RSPH14: variants seen among roughly 807,000 people sequenced by gnomAD.
RSPH14 encodes rhabdoid tumor deletion region gene 1.
A neutral mutation model predicts 26.7 loss-of-function variants in RSPH14; 20 were observed. That is an observed-to-expected ratio of 0.75 (90% CI 0.53 to 1.09). RSPH14 has a LOEUF of 1.09. Ranked by LOEUF, RSPH14 falls within the 50% of genes least tolerant of loss-of-function variation. RSPH14 has a pLI of 0.00. For missense variants in RSPH14, 449 were observed against 457.2 expected (o/e 0.98, Z 0.16); for synonymous variants, 177 against 189.3 (o/e 0.93, Z 0.53).
chr22:23,167,654 G>C, the RSPH14 span, among the ~76,000 whole-genome samples: 1 of 152,196 alleles, frequency 6.6e-6, no homozygotes, highest in African/African-American at 2.4e-5. Context: ...GAAATGGACA[G>C]AGGATCGGTT....
At chr22:23,095,587 T>G (rs2146315065) in intron 4 of RSPH14, 2 of 1,250,862 alleles carry the variant, frequency 1.6e-6, no homozygotes, top group South Asian at 1.5e-5. Context: ...TGGCACTGAG[T>G]GCCTCCAGGG....
chr22:23,141,243 CG>C (rs2044832066), intron 1 of RSPH14, among the ~76,000 whole-genome samples: 1 of 149,732 alleles, frequency 6.7e-6, no homozygotes, highest in Non-Finnish European at 1.5e-5. Context: ...GCAGGAGAAT[CG>C]CTTGAATCAG....
intron 4 of RSPH14, among the ~76,000 whole-genome samples, chr22:23,100,877 C>T (rs1391346597): frequency 6.6e-6 from 1 of 152,190 alleles, no homozygotes; most frequent in Non-Finnish European, 1.5e-5. Flanking sequence ...GGAGGGGCTG[C>T]CCAAGGCCGT....
chr22:23,112,453 G>T (rs1484620833), intron 4 of RSPH14, among the ~76,000 whole-genome samples: 1 of 152,208 alleles, frequency 6.6e-6, no homozygotes, highest in African/African-American at 2.4e-5. Flanking sequence ...GAGCATGCCA[G>T]GGTGCAGCCA....
chr22:23,135,126 A>C lies in RSPH14; in HGVS notation c.303-982T>G, dbSNP rs2070442903. 2.6e-5 allele frequency among the ~76,000 whole-genome samples: 4 copies of C among 152,066 alleles called. No individual in the cohort carries two copies. In the South Asian group the frequency reaches 8.3e-4, roughly 32 times the overall value. On this transcript the variant is annotated intron_variant, in intron 3 of 6. Transcript: ENST00000216036. ...TTTAAGGCTACAGTGAGCTAGGATC[A>C]TGCCACTAAACTCCAGCATGGATGA... is the stretch of plus-strand genomic sequence containing the variant.
intron 4 of RSPH14, chr22:23,124,731 TGAGG>T: frequency 5.8e-6 from 1 of 172,876 alleles, no homozygotes; most frequent in East Asian, 1.7e-4. Context: ...CGTTGTGGCC[TGAGG>T]GAGGCCCTGC....
At chr22:23,063,410 C>A (rs919842208) in intron 5 of RSPH14, among the ~76,000 whole-genome samples, 1 of 152,244 alleles carries the variant, frequency 6.6e-6, no homozygotes, top group Non-Finnish European at 1.5e-5. Flanking sequence ...CTGCCCCCTG[C>A]AGCTTTGAGG....
At chr22:23,088,135 A>G (rs892776885) in intron 4 of RSPH14, among the ~76,000 whole-genome samples, 2 of 152,242 alleles carry the variant, frequency 1.3e-5, no homozygotes, top group African/African-American at 4.8e-5. Context: ...TCACTGTCTC[A>G]GTCATAATTT....
At chr22:23,079,211 A>C (rs2068601751) in intron 4 of RSPH14, among the ~76,000 whole-genome samples, 1 of 152,264 alleles carries the variant, frequency 6.6e-6, no homozygotes, top group African/African-American at 2.4e-5. Flanking sequence ...TGCTTGGGGC[A>C]AGGCAGCACA....
chr22:23,081,208 G>A (rs773005916), intron 4 of RSPH14, among the ~76,000 whole-genome samples: 5 of 152,172 alleles, frequency 3.3e-5, no homozygotes, highest in South Asian at 4.1e-4. Context: ...TTCAGATTCC[G>A]GGTCCTTTGC....
chr22:23,085,998 G>A (rs1041706366), intron 4 of RSPH14, among the ~76,000 whole-genome samples: 1 of 152,266 alleles, frequency 6.6e-6, no homozygotes, highest in Non-Finnish European at 1.5e-5. Context: ...GGCCTTGCCT[G>A]GCCCCTCGGC....
chr22:23,123,233 G>A (rs758126196), intron 4 of RSPH14: 39 of 1,614,024 alleles, frequency 2.4e-5, no homozygotes, highest in Non-Finnish European at 3.2e-5. Context: ...GCTTTCCCGA[G>A]TACAAGGGCC....
the RSPH14 span, among the ~76,000 whole-genome samples, chr22:23,178,062 A>G: frequency 5.9e-5 from 9 of 152,108 alleles, no homozygotes; most frequent in African/African-American, 2.2e-4. Flanking sequence ...CGGCCTCCCA[A>G]AACACCAGGA....
At chr22:23,116,886 C>G (rs1019896580) in intron 4 of RSPH14, among the ~76,000 whole-genome samples, 1 of 152,182 alleles carries the variant, frequency 6.6e-6, no homozygotes, top group African/African-American at 2.4e-5. Flanking sequence ...TATGCCGCAC[C>G]TGGGAGGGGG....
At chr22:23,113,338 C>T (rs901845485) in intron 4 of RSPH14, among the ~76,000 whole-genome samples, 1 of 152,236 alleles carries the variant, frequency 6.6e-6, no homozygotes, top group Non-Finnish European at 1.5e-5. Context: ...GCACCGCCTC[C>T]CTGTTTCATA....
At chr22:23,163,776 G>C in the RSPH14 span, 4 of 152,170 alleles carry the variant, frequency 2.6e-5, no homozygotes, top group Non-Finnish European at 5.9e-5. Flanking sequence ...AGTGTTGATG[G>C]CTTGTTTGTT....
In RSPH14 at chr22:23,129,953, AAAGAAAGAGAGAGG is replaced by A. The variant is rs2070271524; in HGVS notation, c.421+4059_421+4072del. Reference sequence around the variant, plus strand: ...AGGAAGGAAGGAAGGAAAGAAGGAGAAAGAAAGAGAGAGGAAGAAAGAGAAAGAGACAAAGAGAG... The same window carrying A: ...AGGAAGGAAGGAAGGAAAGAAGGAGAAAGAAAGAGAAAGAGACAAAGAGAG... On this transcript the variant is annotated intron_variant, in intron 4 of 6. Coordinates refer to ENST00000216036, the MANE Select transcript of RSPH14 (RefSeq NM_014433.3). 3.3e-5 allele frequency among the ~76,000 whole-genome samples: 5 copies of A among 150,892 alleles called. No individual in the cohort carries two copies. In the South Asian group the frequency reaches 1.1e-3, roughly 32 times the overall value.
the RSPH14 span, chr22:23,159,109 G>A: frequency 6.3e-7 from 1 of 1,593,510 alleles, no homozygotes; most frequent in Non-Finnish European, 8.6e-7. Flanking sequence ...TATCCCCCTG[G>A]GCCTCCCTGC....
chr22:23,099,277 G>C (rs1004888118), intron 4 of RSPH14, among the ~76,000 whole-genome samples: 2 of 152,258 alleles, frequency 1.3e-5, no homozygotes, highest in Non-Finnish European at 2.9e-5. Context: ...AGATTTCCGG[G>C]TGTCTGTGGA....
Sources: gnomAD v4.1 joint callset for allele counts (sites outside exome capture counted in the v4.1 genomes callset) on GRCh38, gnomAD v4.1.1 for gene constraint, MANE v1.5 for transcripts, NCBI Gene and HGNC (gene_info 2026-07-23, HGNC 2026-07-21) for gene names.